The following NLGN1 variants were observed in gnomAD, a reference collection of about 807,000 sequenced individuals.
NLGN1 encodes the protein neuroligin-1.
NLGN1 carries 12 observed loss-of-function variants against 65.5 expected under a neutral mutation model. The observed-to-expected ratio is 0.18, with a 90% CI of 0.12 to 0.30. The LOEUF (loss-of-function observed/expected upper bound fraction) is 0.30. Among genes scored for constraint, NLGN1 ranks in the 10% least tolerant of loss-of-function variants. NLGN1 has a pLI of 1.00. For synonymous variants in NLGN1, 350 were observed against 359.5 expected, an observed-to-expected ratio of 0.97 and a Z score of 0.30; for missense variants, 750 against 1,007.1, an observed-to-expected ratio of 0.74 and a Z score of 3.46.
At chr3:173,528,275 A>G (rs1333467741) in intron 2 of NLGN1, among the ~76,000 whole-genome samples, 1 of 152,142 alleles carries the variant, frequency 6.6e-6, no homozygotes, top group African/African-American at 2.4e-5. Flanking sequence ...AGGAGGCTAA[A>G]AATAGGTCTC....
At chr3:173,768,467 A>AGGCAATTTT in intron 3 of NLGN1, among the ~76,000 whole-genome samples, 1 of 149,176 alleles carries the variant, frequency 6.7e-6, no homozygotes, top group South Asian at 2.1e-4. Flanking sequence ...GCCTCTTAGG[A>AGGCAATTTT]TCTTGAGATT....
At chr3:173,513,923 G>C (rs367689415) in intron 2 of NLGN1, among the ~76,000 whole-genome samples, 26 of 152,144 alleles carry the variant, frequency 1.7e-4, no homozygotes, top group African/African-American at 4.8e-4. Context: ...AGCTACTCGG[G>C]AGCCTGAGGC....
chr3:174,257,903 T>C (rs971135213), intron 4 of NLGN1, among the ~76,000 whole-genome samples: 6 of 110,192 alleles, frequency 5.4e-5, no homozygotes, highest in Non-Finnish European at 1.0e-4. Flanking sequence ...TATATCTCCT[T>C]ATATATATAT....
At chr3:173,419,399 G>C (rs922670559) in intron 1 of NLGN1, among the ~76,000 whole-genome samples, 36 of 152,020 alleles carry the variant, frequency 2.4e-4, no homozygotes, top group Non-Finnish European at 3.2e-4. Flanking sequence ...CCAGCTGGAG[G>C]GGGGCAGCTA....
chr3:173,539,939 GTA>G (rs1329653035), intron 2 of NLGN1, among the ~76,000 whole-genome samples: 6 of 147,256 alleles, frequency 4.1e-5, no homozygotes, highest in African/African-American at 1.0e-4. Flanking sequence ...GTGTGTGTGT[GTA>G]TATATATCTT....
intron 3 of NLGN1, among the ~76,000 whole-genome samples, chr3:173,768,280 A>G (rs1779060496): frequency 6.6e-6 from 1 of 152,152 alleles, no homozygotes; most frequent in Non-Finnish European, 1.5e-5. Flanking sequence ...TTCAGAGACA[A>G]TCTTCATGAA....
intron 4 of NLGN1, among the ~76,000 whole-genome samples, chr3:173,918,726 G>A (rs1466769629): frequency 7.0e-6 from 1 of 143,134 alleles, no homozygotes; most frequent in Non-Finnish European, 1.5e-5. Context: ...TGCATAGAAT[G>A]GTAACGTCTT....
intron 2 of NLGN1, among the ~76,000 whole-genome samples, chr3:173,533,149 T>C (rs1159078067): frequency 2.0e-5 from 3 of 152,216 alleles, no homozygotes; most frequent in Non-Finnish European, 4.4e-5. Flanking sequence ...CAACCTTACA[T>C]TATTTTCAGT....
At chr3:173,499,872 A>G (rs1287642709) in intron 2 of NLGN1, among the ~76,000 whole-genome samples, 1 of 151,850 alleles carries the variant, frequency 6.6e-6, no homozygotes, top group African/African-American at 2.4e-5. Context: ...TTATTGGTGT[A>G]TAAGAATACT....
At chr3:173,426,210 T>A (rs535590964) in intron 1 of NLGN1, among the ~76,000 whole-genome samples, 1 of 152,174 alleles carries the variant, frequency 6.6e-6, no homozygotes, top group Non-Finnish European at 1.5e-5. Context: ...TGAATTAGTT[T>A]GTTAGTTCTA....
intron 2 of NLGN1, among the ~76,000 whole-genome samples, chr3:173,512,825 A>G (rs1001743986): frequency 6.6e-6 from 1 of 152,058 alleles, no homozygotes; most frequent in Non-Finnish European, 1.5e-5. Context: ...GTTCTGTTTC[A>G]TTTTTGCCTT....
intron 4 of NLGN1, among the ~76,000 whole-genome samples, chr3:173,903,914 G>A (rs1484644542): frequency 6.6e-6 from 1 of 151,806 alleles, no homozygotes; most frequent in Non-Finnish European, 1.5e-5. Context: ...TAAAATACTT[G>A]TAGTCTTTTT....
intron 3 of NLGN1, among the ~76,000 whole-genome samples, chr3:173,630,614 A>G (rs140954034): frequency 6.6e-6 from 1 of 152,112 alleles, no homozygotes; most frequent in East Asian, 1.9e-4. Context: ...CTAATTTAAT[A>G]GTATCATCCT....
chr3:173,714,793 G>A (rs1769572436), intron 3 of NLGN1, among the ~76,000 whole-genome samples: 1 of 152,092 alleles, frequency 6.6e-6, no homozygotes, highest in Admixed American at 6.6e-5. Flanking sequence ...AAAAATGTAT[G>A]GGTCAGATGA....
At chr3:173,818,400 T>A (rs918298006) in intron 4 of NLGN1, among the ~76,000 whole-genome samples, 1 of 152,274 alleles carries the variant, frequency 6.6e-6, no homozygotes, top group Admixed American at 6.5e-5. Context: ...CCTGCATGCA[T>A]TTACAAAATT....
rs545782113 is a variant in NLGN1, at chr3:174,020,863, A to G, written c.646+213031A>G. On this transcript the variant is annotated intron_variant, in intron 4 of 6. Transcript: ENST00000457714. The stretch of plus-strand genomic sequence containing the variant: ...TTCTTACATAAATGTCTGGAATCCA[A>G]AGTAATTTTGTATCCTCTAATTGGT... Among the ~76,000 whole-genome samples the G allele has an allele frequency of 1.6e-4, 25 of 152,258 alleles. No homozygotes were observed. In the East Asian group the frequency reaches 2.5e-3, roughly 15 times the overall value.
At chr3:173,823,409 A>T (rs911939967) in intron 4 of NLGN1, among the ~76,000 whole-genome samples, 7 of 152,106 alleles carry the variant, frequency 4.6e-5, no homozygotes, top group African/African-American at 9.6e-5. Context: ...TCATTTCTAA[A>T]TGAAGTCAAC....
intron 4 of NLGN1, among the ~76,000 whole-genome samples, chr3:174,075,702 A>C (rs1740761964): frequency 6.6e-6 from 1 of 152,196 alleles, no homozygotes; most frequent in African/African-American, 2.4e-5. Context: ...TTTATTCCAG[A>C]TACTTATGTT....
rs577225908 is a variant in NLGN1, at chr3:173,409,302, GTTTATC to G, written c.-390+10821_-390+10826del. 4.1e-4 allele frequency among the ~76,000 whole-genome samples: 62 copies of G among 152,140 alleles called. 1 individual carries two copies. The East Asian group carries it at 8.3e-3, about 20-fold the overall frequency. On this transcript the variant is annotated intron_variant, in intron 1 of 6. Coordinates refer to ENST00000457714, the Ensembl canonical transcript of NLGN1. Reference sequence around the variant, plus strand: ...TGTAAATGTGTATCTATCTACCTCTGTTTATCTTTATTAATTGAAAATTATAGTTGA... The same window carrying G: ...TGTAAATGTGTATCTATCTACCTCTGTTTATTAATTGAAAATTATAGTTGA...
Sources: gnomAD v4.1 joint callset for allele counts (sites outside exome capture counted in the v4.1 genomes callset) on GRCh38, gnomAD v4.1.1 for gene constraint, MANE v1.5 for transcripts, NCBI Gene and HGNC (gene_info 2026-07-23, HGNC 2026-07-21) for gene names.